Variants in LRFN2 observed in about 807,000 individuals in gnomAD.
LRFN2 encodes the protein leucine rich repeat and fibronectin type III domain containing 2, also known as leucine-rich repeat and fibronectin type-III domain-containing protein 2.
Under a neutral mutation model 37.3 loss-of-function variants are expected in LRFN2, and 18 were observed. The ratio of observed to expected loss-of-function variants is 0.48; its 90% CI spans 0.33 to 0.72. The LOEUF (loss-of-function observed/expected upper bound fraction) is 0.72. LRFN2 is among the 30% of genes least tolerant of loss of function. The pLI, the probability that LRFN2 is intolerant of heterozygous loss-of-function variation, is 0.02. For synonymous variants in LRFN2, 556 were observed against 466.6 expected (o/e 1.19, Z -2.47); for missense variants, 1,006 against 1,060.7 (o/e 0.95, Z 0.72).
At chr6:40,482,899 A>G (rs1459182418) in intron 1 of LRFN2, among the ~76,000 whole-genome samples, 3 of 152,304 alleles carry the variant, frequency 2.0e-5, no homozygotes, top group African/African-American at 7.2e-5. Flanking sequence ...GGACTCCCGG[A>G]CATGACTAGG....
intron 1 of LRFN2, among the ~76,000 whole-genome samples, chr6:40,547,551 C>A (rs1338140895): frequency 6.6e-6 from 1 of 152,162 alleles, no homozygotes; most frequent in African/African-American, 2.4e-5. Flanking sequence ...GTCCACAGTA[C>A]ACCCTTCTTC....
intron 1 of LRFN2, among the ~76,000 whole-genome samples, chr6:40,448,712 G>A (rs1368977426): frequency 6.6e-6 from 1 of 152,168 alleles, no homozygotes; most frequent in African/African-American, 2.4e-5. Flanking sequence ...TACAAGGCTG[G>A]GAGATCCTAA....
At chr6:40,496,979 C>T (rs1051500938) in intron 1 of LRFN2, among the ~76,000 whole-genome samples, 22 of 152,130 alleles carry the variant, frequency 1.4e-4, no homozygotes, top group African/African-American at 5.3e-4. Context: ...TTCTCATACC[C>T]AACACACCTC....
In LRFN2 at chr6:40,394,686, T is replaced by C. The variant is rs566379674; in HGVS notation, c.1401-1774A>G. On this transcript the variant is annotated intron_variant, in intron 2 of 2. Coordinates refer to ENST00000338305, the MANE Select transcript of LRFN2 (RefSeq NM_020737.3). Reference sequence around the variant, plus strand: ...TGGCTGTGTCCCCACCCAAATCTCATCTTGAATTGTAGCTCCTACAATTCA... The same window carrying C: ...TGGCTGTGTCCCCACCCAAATCTCACCTTGAATTGTAGCTCCTACAATTCA... Among the ~76,000 whole-genome samples, 416 of 152,268 alleles carry C rather than the reference T, an allele frequency of 2.7e-3. 3 individuals carry two copies. The highest frequency in any genetic ancestry group is 0.014 in the Middle Eastern group (4 of 294).
At chr6:40,581,440 C>T (rs1057443099) in intron 1 of LRFN2, among the ~76,000 whole-genome samples, 7 of 152,158 alleles carry the variant, frequency 4.6e-5, no homozygotes, top group Non-Finnish European at 1.0e-4. Context: ...TTCTAGGTTC[C>T]GCTGCACCCC....
At chr6:40,519,501 G>A (rs1765987350) in intron 1 of LRFN2, among the ~76,000 whole-genome samples, 1 of 152,202 alleles carries the variant, frequency 6.6e-6, no homozygotes, top group Admixed American at 6.5e-5. Context: ...TACAGTTCCA[G>A]GCTTCAGATT....
In LRFN2 at chr6:40,553,128, G is replaced by C. The variant is rs940778731; in HGVS notation, c.-19+33813C>G. 3.3e-5 allele frequency among the ~76,000 whole-genome samples: 5 copies of C among 152,266 alleles called. No homozygotes were observed. The East Asian group carries it at 9.7e-4, about 29-fold the overall frequency. ...CGCTCTGCCTGCCAGGTGGAGGAGGGCATGTTGCTTTTCTCAGCCACTTCT... is the reference window on the plus strand; with the variant it reads ...CGCTCTGCCTGCCAGGTGGAGGAGGCCATGTTGCTTTTCTCAGCCACTTCT... On this transcript the variant is annotated intron_variant, in intron 1 of 2. Coordinates refer to ENST00000338305, the MANE Select transcript of LRFN2 (RefSeq NM_020737.3).
intron 1 of LRFN2, among the ~76,000 whole-genome samples, chr6:40,507,405 A>G (rs1765574006): frequency 6.6e-6 from 1 of 152,214 alleles, no homozygotes; most frequent in Non-Finnish European, 1.5e-5. Context: ...CTGAACACAC[A>G]GTGTCTCGTT....
chr6:40,543,407 A>G (rs1766592893), intron 1 of LRFN2, among the ~76,000 whole-genome samples: 1 of 152,160 alleles, frequency 6.6e-6, no homozygotes, highest in Admixed American at 6.5e-5. Context: ...CTTACATTCA[A>G]TTCCTGGTCT....
At chr6:40,498,066 A>G (rs1765277229) in intron 1 of LRFN2, among the ~76,000 whole-genome samples, 1 of 152,204 alleles carries the variant, frequency 6.6e-6, no homozygotes, top group South Asian at 2.1e-4. Flanking sequence ...GAAAGTGGCA[A>G]GAAGACAAGG....
intron 1 of LRFN2, among the ~76,000 whole-genome samples, chr6:40,447,567 C>G (rs1276119894): frequency 1.3e-5 from 2 of 152,190 alleles, no homozygotes; most frequent in Non-Finnish European, 2.9e-5. Flanking sequence ...TGACTTTGCT[C>G]AAATAATTCT....
At chr6:40,512,181 G>C (rs1765728969) in intron 1 of LRFN2, among the ~76,000 whole-genome samples, 1 of 152,194 alleles carries the variant, frequency 6.6e-6, no homozygotes, top group African/African-American at 2.4e-5. Context: ...TGACTTAAGA[G>C]AGAGTAGCCA....
chr6:40,537,124 G>A (rs954871894), intron 1 of LRFN2, among the ~76,000 whole-genome samples: 3 of 152,150 alleles, frequency 2.0e-5, no homozygotes, highest in African/African-American at 4.8e-5. Flanking sequence ...CATTCTCTAC[G>A]TAATTGTTTC....
intron 1 of LRFN2, among the ~76,000 whole-genome samples, chr6:40,435,050 TATAGAGAGAGAGAGAGAG>T (rs1181377272): frequency 1.0e-3 from 61 of 60,038 alleles, no homozygotes; most frequent in African/African-American, 4.5e-3. Context: ...TATATATATA[TATAGAGAGAGAGAGAGAG>T]AGAGAGAGAG....
chr6:40,527,564 T>C (rs1467517899), intron 1 of LRFN2, among the ~76,000 whole-genome samples: 1 of 152,204 alleles, frequency 6.6e-6, no homozygotes, highest in Non-Finnish European at 1.5e-5. Flanking sequence ...CCACTGTAGA[T>C]GATATGTCAG....
At chr6:40,468,162 C>T (rs1008967950) in intron 1 of LRFN2, among the ~76,000 whole-genome samples, 12 of 152,218 alleles carry the variant, frequency 7.9e-5, no homozygotes, top group Non-Finnish European at 1.2e-4. Context: ...CCTTTCTGAA[C>T]CTGGGCTCTG....
At chr6:40,551,489 C>T (rs931071819) in intron 1 of LRFN2, among the ~76,000 whole-genome samples, 4 of 152,162 alleles carry the variant, frequency 2.6e-5, no homozygotes, top group African/African-American at 4.8e-5. Flanking sequence ...CAAATAAATA[C>T]CCTTGATCGT....
intron 1 of LRFN2, among the ~76,000 whole-genome samples, chr6:40,469,058 G>T (rs1764536790): frequency 1.3e-5 from 2 of 152,196 alleles, no homozygotes; most frequent in African/African-American, 4.8e-5. Flanking sequence ...TGATGTGATT[G>T]TCCTGGATTA....
Position 40,432,620 on chromosome 6 carries a change from G to A in LRFN2, c.494C>T (p.Pro165Leu), listed in dbSNP as rs558213890. 2.5e-6 allele frequency: 4 copies of A among 1,614,182 alleles called. No homozygotes were observed. The highest frequency in any genetic ancestry group is 2.2e-5 in the East Asian group (1 of 44,882). The change falls in exon 2 of 3, where the codon CCG (proline) becomes CTG (leucine). Residue 165 changes from proline to leucine, a missense_variant. Physicochemically the swap from Pro to Leu is moderately conservative, Grantham distance 98. Around this residue, in one of 4 missense-constraint regions of LRFN2, gnomAD observed 185 missense variants for 254.9 expected, o/e 0.73. Coordinates refer to ENST00000338305, the MANE Select transcript of LRFN2 (RefSeq NM_020737.3). The stretch of plus-strand genomic sequence containing the variant: ...GACCATGCGTCGCACGGAGTCCCAC[G>A]GCAGGCCATGGAGGTTGTTGTAGGA... ...DLSYNNLHGLPWDSVRRMVNL... is the reference protein window; with the variant it reads ...DLSYNNLHGLLWDSVRRMVNL...
Sources: allele counts gnomAD v4.1 joint callset (sites outside exome capture counted in the v4.1 genomes callset), GRCh38; gene constraint gnomAD v4.1.1; regional missense constraint gnomAD v4.1.1; transcripts MANE v1.5; gene names NCBI Gene and HGNC (gene_info 2026-07-23, HGNC 2026-07-21).